Variants in REV3L observed in about 807,000 individuals in gnomAD.
The protein encoded by REV3L is REV3 like, DNA directed polymerase zeta catalytic subunit.
In REV3L, 69 loss-of-function variants were observed where a neutral mutation model predicts 299.4. That is an observed-to-expected ratio of 0.23 (90% CI 0.19 to 0.28). The LOEUF is 0.28. Among genes scored for constraint, REV3L ranks in the 10% least tolerant of loss-of-function variants. The probability of loss-of-function intolerance (pLI) is 1.00; values close to 1 mark genes in which losing one functional copy is unlikely to be tolerated. For synonymous variants in REV3L, 1,238 were observed against 1,271.4 expected, an observed-to-expected ratio of 0.97 and a Z score of 0.56; for missense variants, 3,128 against 3,693.8, an observed-to-expected ratio of 0.85 and a Z score of 3.97.
rs1164481855 is a variant in REV3L at position 111,338,310 on chromosome 6, TC to T, written c.7539-2701del. 1.8e-3 allele frequency among the ~76,000 whole-genome samples: 190 copies of T among 105,934 alleles called. 9 individuals are homozygous for T. Among genetic ancestry groups the T allele is most frequent in the Middle Eastern group, 5.9e-3 (1 of 170 alleles). The allele number at this position is 105,934 out of a possible 152,430, so 69.5% of individuals were successfully genotyped here. On this transcript the variant is annotated intron_variant, in intron 21 of 31. Transcript: ENST00000368802. ...TTTCTTTGTTTACTCCAGTCTAAAGTCCTTTTTTTTTTTTTTTTTTTTTTTT... is the reference window on the plus strand; with the variant it reads ...TTTCTTTGTTTACTCCAGTCTAAAGTCTTTTTTTTTTTTTTTTTTTTTTTT...
At chr6:111,339,968 G>A (rs989750504) in intron 21 of REV3L, among the ~76,000 whole-genome samples, 4 of 152,076 alleles carry the variant, frequency 2.6e-5, no homozygotes, top group African/African-American at 4.8e-5. Context: ...GTTTTGATCC[G>A]GAAAGGAGGA....
chr6:111,365,430 T>A, intron 14 of REV3L, 86 bp from the exon 15 acceptor site: 1 of 637,404 alleles, frequency 1.6e-6, no homozygotes, highest in Non-Finnish European at 2.5e-6. Flanking sequence ...TCCAAACACT[T>A]AAGTACCACT....
At chr6:111,480,019 T>A (rs750149605) in intron 1 of REV3L, among the ~76,000 whole-genome samples, 7 of 152,234 alleles carry the variant, frequency 4.6e-5, no homozygotes, top group Non-Finnish European at 1.0e-4. Flanking sequence ...AGGGTATTAA[T>A]CCAATCAGTT....
chr6:111,361,335 G>C (rs1404378147), intron 16 of REV3L: 3 of 148,216 alleles, frequency 2.0e-5, no homozygotes, highest in Non-Finnish European at 4.4e-5. Context: ...AGTGAGCTGA[G>C]ATTGTGCCAT....
chr6:111,429,984 A>C (rs570340805), intron 1 of REV3L, among the ~76,000 whole-genome samples: 8 of 152,326 alleles, frequency 5.3e-5, no homozygotes, highest in Non-Finnish European at 1.2e-4. Context: ...GACAAAAAAC[A>C]ATCATGACAA....
At chr6:111,333,496 C>CA (rs2114841774) in intron 22 of REV3L, 129 bp from the exon 23 acceptor site, 1 of 1,148,316 alleles carries the variant, frequency 8.7e-7, no homozygotes, top group East Asian at 2.7e-5. Flanking sequence ...TTTTTTGAGA[C>CA]AGTGTTTCGC....
At position 111,385,110 on chromosome 6, in the gene REV3L, G is replaced by A. The variant is rs935924101; in HGVS notation, c.1096+2655C>T. On this transcript the variant is annotated intron_variant, in intron 9 of 31. Coordinates refer to ENST00000368802, the MANE Select transcript of REV3L (RefSeq NM_001372078.1). The stretch of plus-strand genomic sequence containing the variant: ...AATGATGGCTGCCAGAAGCTAGGAA[G>A]GGTAGTAGGGTGGGGTGGGGAAGTG... 2.6e-5 allele frequency among the ~76,000 whole-genome samples: 4 copies of A among 151,998 alleles called. No individual in the cohort carries two copies. The East Asian group carries it at 7.7e-4, about 29-fold the overall frequency.
chr6:111,381,436 T>C lies in REV3L; in HGVS notation c.1105A>G (p.Arg369Gly). ...ATAAGAGCTTCTTCCACTTTGTGTC[T>C]AGTGTGACCTTAATTTGACAAAGAA... is the stretch of plus-strand genomic sequence containing the variant. ...KDKESSKGHT[R>G]HKVEEALINE... is the part of the protein sequence containing the mutation. The change falls in exon 10 of 32, where the codon AGA becomes GGA. Residue 369 changes from arginine to glycine, a missense_variant. Coordinates refer to ENST00000368802, the MANE Select transcript of REV3L (RefSeq NM_001372078.1). 6.2e-7 allele frequency: 1 copy of C among 1,605,834 alleles called. No homozygotes were observed. Among genetic ancestry groups the C allele is most frequent in the South Asian group, 1.1e-5 (1 of 89,200 alleles).
chr6:111,307,869 T>C, intron 30 of REV3L: 1 of 333,028 alleles, frequency 3.0e-6, no homozygotes, highest in Non-Finnish European at 5.7e-6. Flanking sequence ...ATGTGCCATG[T>C]TGGTTTGCTG....
rs747276857 is a variant in REV3L at position 111,367,392 on chromosome 6, T to A, written c.6396A>T (p.Ile2132=). Residue 2132 remains isoleucine, a synonymous_variant, in exon 14 of 32, where the codon ATA becomes ATT. Transcript: ENST00000368802. The part of the protein sequence containing the change: ...SPVIPPWQQP[I]SPDSKALNGD... ...CATTTAATGCTTTGGAATCTGGGGA[T>A]ATTGGTTGTTGCCAAGGGGGAATTA... The A allele has an allele frequency of 2.5e-6, 4 of 1,610,804 alleles. No individual in the cohort carries two copies. The Admixed American group carries it at 6.7e-5, about 27-fold the overall frequency.
chr6:111,408,647 C>CAAAACAAAACA (rs1255340713), intron 3 of REV3L, among the ~76,000 whole-genome samples: 1 of 133,652 alleles, frequency 7.5e-6, no homozygotes, highest in African/African-American at 3.1e-5. Context: ...CAAAACAAAA[C>CAAAACAAAACA]AAAAACAACA....
rs1483291586 is a variant in REV3L, at chr6:111,311,077, T to C, written c.8787A>G (p.Glu2929=). ...ACTGAGGGTATCATTACCTTGTAAG[T>C]TCAAGGGCTGGCACACAAGCTCCTG... ...YKPGACVPAL[E]LTRKMLTYDR... The change falls in exon 29 of 32, where the codon GAA becomes GAG. Residue 2929 remains glutamate, a synonymous_variant. Coordinates refer to ENST00000368802, the MANE Select transcript of REV3L (RefSeq NM_001372078.1). 1.2e-6 allele frequency: 2 copies of C among 1,612,692 alleles called. No individual in the cohort carries two copies. Among genetic ancestry groups the C allele is most frequent in the Non-Finnish European group, 1.7e-6 (2 of 1,179,388 alleles).
intron 25 of REV3L, 107 bp from the exon 26 acceptor site, chr6:111,322,785 C>T (rs1013998778): frequency 1.9e-5 from 15 of 792,536 alleles, no homozygotes; most frequent in Admixed American, 7.5e-5. Flanking sequence ...AGAAATGAAA[C>T]GAGAAAAGAA....
rs1301047959 is a variant in REV3L, at chr6:111,374,051, T to A, written c.4304A>T (p.Gln1435Leu). 3 of 1,614,068 alleles carry A rather than the reference T, an allele frequency of 1.9e-6. No individual in the cohort carries two copies. The highest frequency in any genetic ancestry group is 2.5e-6 in the Non-Finnish European group (3 of 1,180,010). ...AGAACAAGTTTCACTGTGCTTTGAC[T>A]GTTCCGCTATGCACACAATCTGCTG... ...SQQQIVCIAE[Q>L]SKHSETCSPG... The change falls in exon 13 of 32, where the codon CAG becomes CTG. Residue 1435 changes from glutamine (Q) to leucine (L), a missense_variant. By Grantham distance (113) the Gln-to-Leu change is moderately radical. Coordinates refer to ENST00000368802, the MANE Select transcript of REV3L (RefSeq NM_001372078.1).
intron 1 of REV3L, among the ~76,000 whole-genome samples, chr6:111,468,747 G>T (rs1394172607): frequency 1.2e-4 from 2 of 16,296 alleles, no homozygotes; most frequent in African/African-American, 5.8e-4. Flanking sequence ...AATGTAGCAT[G>T]TAAGATAATA....
intron 13 of REV3L, among the ~76,000 whole-genome samples, chr6:111,368,709 TTATAAA>T (rs10551316): frequency 0.022 from 3,425 of 152,310 alleles, 40 homozygotes; most frequent in South Asian, 0.038. Context: ...TTTCCAATAG[TTATAAA>T]TATTAAGTGA....
rs544827431 is a variant in REV3L at position 111,391,097 on chromosome 6, G to A, written c.663-917C>T. Among the ~76,000 whole-genome samples, 1,392 of 144,526 alleles carry A rather than the reference G, an allele frequency of 9.6e-3. 23 individuals are homozygous for A. The highest frequency in any genetic ancestry group is 0.034 in the African/African-American group (1,323 of 38,956). 94.8% of individuals were successfully genotyped at this position (144,526 alleles called of 152,430 possible). ...TTTTTTTTTTTTCAGATGGAGTCTC[G>A]CTCCATCGCCCAGGCTGGAGTGCAC... On this transcript the variant is annotated intron_variant, in intron 5 of 31. Transcript: ENST00000368802.
chr6:111,440,689 CTTTCT>C (rs1240636509), intron 1 of REV3L, among the ~76,000 whole-genome samples: 1 of 152,148 alleles, frequency 6.6e-6, no homozygotes, highest in Non-Finnish European at 1.5e-5. Flanking sequence ...AATACTCTTC[CTTTCT>C]TTATGTAGAT....
At chr6:111,399,998 T>C (rs1164640507) in intron 4 of REV3L, among the ~76,000 whole-genome samples, 2 of 152,220 alleles carry the variant, frequency 1.3e-5, no homozygotes, top group East Asian at 1.9e-4. Flanking sequence ...CAGAATGTCA[T>C]GTGAATGAAG....
Sources: gnomAD v4.1 joint callset for allele counts (sites outside exome capture counted in the v4.1 genomes callset) on GRCh38, gnomAD v4.1.1 for gene constraint, MANE v1.5 for transcripts, NCBI Gene and HGNC (gene_info 2026-07-23, HGNC 2026-07-21) for gene names.